The following SLC35D4 variants were observed in gnomAD, a reference collection of about 807,000 sequenced individuals.
SLC35D4 encodes solute carrier family 35 member D4.
the SLC35D4 span, among the ~76,000 whole-genome samples, chr18:23,262,607 C>G: frequency 2.0e-5 from 3 of 152,254 alleles, no homozygotes; most frequent in Non-Finnish European, 4.4e-5. Flanking sequence ...AGGTGCAAGG[C>G]ACCCTTACCA....
the SLC35D4 span, among the ~76,000 whole-genome samples, chr18:23,291,160 G>A: frequency 1.3e-5 from 2 of 152,220 alleles, no homozygotes; most frequent in African/African-American, 2.4e-5. Flanking sequence ...TGGACCGTCT[G>A]GGATCTTCCT....
At chr18:23,257,036 G>A in the SLC35D4 span, 4 of 607,892 alleles carry the variant, frequency 6.6e-6, no homozygotes, top group Non-Finnish European at 1.1e-5. Flanking sequence ...CGGGAAAGGA[G>A]CAGCTCCTTC....
the SLC35D4 span, among the ~76,000 whole-genome samples, chr18:23,290,030 C>T: frequency 1.3e-5 from 2 of 152,208 alleles, no homozygotes; most frequent in African/African-American, 4.8e-5. Context: ...GTGGTCTCTT[C>T]ACATGGACGC....
At chr18:23,328,166 C>A in the SLC35D4 span, among the ~76,000 whole-genome samples, 1 of 152,174 alleles carries the variant, frequency 6.6e-6, no homozygotes, top group African/African-American at 2.4e-5. Context: ...CCCTCTCTCA[C>A]CACTCCTGTT....
chr18:23,374,217 G>A, the SLC35D4 span, among the ~76,000 whole-genome samples: 1 of 152,190 alleles, frequency 6.6e-6, no homozygotes. Context: ...ACAACCGAAT[G>A]ATCAAACTTA....
At chr18:23,310,609 G>C in the SLC35D4 span, among the ~76,000 whole-genome samples, 3 of 152,114 alleles carry the variant, frequency 2.0e-5, no homozygotes, top group African/African-American at 7.2e-5. Context: ...TGGGATGTAG[G>C]CCAGGTTGGG....
the SLC35D4 span, among the ~76,000 whole-genome samples, chr18:23,419,670 C>T: frequency 6.6e-6 from 1 of 151,788 alleles, no homozygotes; most frequent in Non-Finnish European, 1.5e-5. Context: ...TGGATTGGAC[C>T]TCGTACTAGA....
At chr18:23,345,009 TG>T in the SLC35D4 span, among the ~76,000 whole-genome samples, 1 of 152,226 alleles carries the variant, frequency 6.6e-6, no homozygotes, top group Non-Finnish European at 1.5e-5. Flanking sequence ...TCTAAGAATC[TG>T]CCAAACCCAA....
chr18:23,261,448 C>T, the SLC35D4 span, among the ~76,000 whole-genome samples: 6 of 152,014 alleles, frequency 3.9e-5, no homozygotes, highest in African/African-American at 1.4e-4. Context: ...ATGGCAAAAC[C>T]CTGTCTCTAC....
At chr18:23,364,932 A>AT in the SLC35D4 span, among the ~76,000 whole-genome samples, 10 of 17,096 alleles carry the variant, frequency 5.8e-4, 4 homozygotes, top group East Asian at 2.7e-3. Context: ...AAAAAAAAAA[A>AT]AGGACTCCTT....
chr18:23,315,912 T>C, the SLC35D4 span, among the ~76,000 whole-genome samples: 3 of 152,114 alleles, frequency 2.0e-5, no homozygotes, highest in East Asian at 5.8e-4. Context: ...TGGAGGAAGG[T>C]ATGGGAAGTG....
At chr18:23,283,661 T>C in the SLC35D4 span, among the ~76,000 whole-genome samples, 1 of 150,372 alleles carries the variant, frequency 6.7e-6, no homozygotes, top group African/African-American at 2.4e-5. Flanking sequence ...AATACAAAAT[T>C]AGCCAGGTGT....
At chr18:23,286,787 T>C in the SLC35D4 span, among the ~76,000 whole-genome samples, 1 of 152,094 alleles carries the variant, frequency 6.6e-6, no homozygotes, top group African/African-American at 2.4e-5. Context: ...TCCTTTTAGT[T>C]ATCCCCACCT....
At chr18:23,311,790 G>A in the SLC35D4 span, among the ~76,000 whole-genome samples, 1 of 152,196 alleles carries the variant, frequency 6.6e-6, no homozygotes, top group Non-Finnish European at 1.5e-5. Context: ...GTTTGTGCCT[G>A]TTTGATTACC....
chr18:23,322,616 G>A, the SLC35D4 span, among the ~76,000 whole-genome samples: 1 of 152,128 alleles, frequency 6.6e-6, no homozygotes, highest in Admixed American at 6.6e-5. Context: ...AACTTTGGAG[G>A]ACTTCTTCCT....
the SLC35D4 span, among the ~76,000 whole-genome samples, chr18:23,270,686 G>C: frequency 6.6e-6 from 1 of 152,230 alleles, no homozygotes; most frequent in African/African-American, 2.4e-5. Flanking sequence ...CCTTGGATGA[G>C]AGACATGGAG....
chr18:23,323,850 G>A, the SLC35D4 span, among the ~76,000 whole-genome samples: 4 of 151,964 alleles, frequency 2.6e-5, no homozygotes, highest in African/African-American at 9.7e-5. Flanking sequence ...AGGCCGAGGC[G>A]GGTGGATCAC....
At chr18:23,426,755 T>A in the SLC35D4 span, among the ~76,000 whole-genome samples, 1 of 152,196 alleles carries the variant, frequency 6.6e-6, no homozygotes, top group South Asian at 2.1e-4. Context: ...TCATGCTACC[T>A]GACTTCAAAC....
At chr18:23,296,600 G>A in the SLC35D4 span, 3 of 152,116 alleles carry the variant, frequency 2.0e-5, no homozygotes, top group Non-Finnish European at 2.9e-5. Context: ...GAGCCACTGC[G>A]CCTGACCAGG....
Sources: gnomAD v4.1 joint callset for allele counts (sites outside exome capture counted in the v4.1 genomes callset) on GRCh38, gnomAD v4.1.1 for gene constraint, MANE v1.5 for transcripts, NCBI Gene and HGNC (gene_info 2026-07-23, HGNC 2026-07-21) for gene names.